Variants in DERA observed in about 807,000 individuals in gnomAD.
The protein encoded by DERA is deoxyribose-phosphate aldolase.
DERA carries 15 observed loss-of-function variants against 41.1 expected under a neutral mutation model. The observed-to-expected ratio is 0.37, with a 90% confidence interval of 0.24 to 0.56. DERA has a LOEUF of 0.56. DERA is among the 20% of genes least tolerant of loss of function. DERA has a pLI of 0.81. For missense variants in DERA, 396 were observed against 403.4 expected (o/e 0.98, Z 0.16); for synonymous variants, 139 against 137.4 (o/e 1.01, Z -0.08).
At position 15,943,738 on chromosome 12, in the gene DERA, T is replaced by TTTATTTAC. The variant is rs1555150482; in HGVS notation, c.32-13196_32-13195insATTTACTT. Among the ~76,000 whole-genome samples, 1 of 147,458 alleles carries TTTATTTAC rather than the reference T, an allele frequency of 6.8e-6. No homozygotes were observed. Among genetic ancestry groups the TTTATTTAC allele is most frequent in the Non-Finnish European group, 1.5e-5 (1 of 66,874 alleles). Reference sequence around the variant, plus strand: ...ATTTATTTATTTATTTATTTATTTATTTTATTATACTTTAAGTTCTAGGAT... The same window carrying TTTATTTAC: ...ATTTATTTATTTATTTATTTATTTATTTATTTACTTTATTATACTTTAAGTTCTAGGAT... On this transcript the variant is annotated intron_variant, in intron 1 of 8. Transcript: ENST00000428559. This position sits in a 1 kb window ranked among gnomAD's most constrained non-coding sequence, Gnocchi z 4.5.
Position 15,965,809 on chromosome 12 carries a change from G to T in DERA, c.508+2862G>T, listed in dbSNP as rs1260855836. Among the ~76,000 whole-genome samples, 1 of 152,088 alleles carries T rather than the reference G, an allele frequency of 6.6e-6. No individual in the cohort carries two copies. Among genetic ancestry groups the T allele is most frequent in the Non-Finnish European group, 1.5e-5 (1 of 68,002 alleles). On this transcript the variant is annotated intron_variant, in intron 5 of 8. Coordinates refer to ENST00000428559, the MANE Select transcript of DERA (RefSeq NM_015954.4). This position sits in a 1 kb window ranked among gnomAD's most constrained non-coding sequence, Gnocchi z 4.1. Reference sequence around the variant, plus strand: ...GAGCTCCCTCCAGGTCCTTGCATCAGGGCTGCTTTTCTTTGCTTCTTCCTT... The same window carrying T: ...GAGCTCCCTCCAGGTCCTTGCATCATGGCTGCTTTTCTTTGCTTCTTCCTT...
Position 16,000,278 on chromosome 12 carries a change from C to T in DERA, c.637+17842C>T, listed in dbSNP as rs189397044. 2.5e-3 allele frequency among the ~76,000 whole-genome samples: 383 copies of T among 152,298 alleles called. No homozygotes were observed. The highest frequency in any genetic ancestry group is 6.8e-3 in the Middle Eastern group (2 of 294). ...ATTGCAGAACATAGCGCAGTCTAAC[C>T]GCTTTTCCTCTACTTTTCTGTTCTT... On this transcript the variant is annotated intron_variant, in intron 6 of 8. Coordinates refer to ENST00000428559, the MANE Select transcript of DERA (RefSeq NM_015954.4). The surrounding 1 kb of genome is among the most constrained non-coding windows in gnomAD (Gnocchi z 4.8).
Position 16,012,047 on chromosome 12 carries a change from T to C in DERA, c.638-20495T>C, listed in dbSNP as rs2136179718. ...CATGCATAACTAAGTCAGTGTTTCC[T>C]CAAAAGGGGCAGAGTTTGGTAAAGA... On this transcript the variant is annotated intron_variant, in intron 6 of 8. Transcript: ENST00000428559. The surrounding 1 kb of genome is among the most constrained non-coding windows in gnomAD (Gnocchi z 4.1). Among the ~76,000 whole-genome samples, 1 of 152,316 alleles carries C rather than the reference T, an allele frequency of 6.6e-6. No individual in the cohort carries two copies. Among genetic ancestry groups the C allele is most frequent in the Admixed American group, 6.5e-5 (1 of 15,298 alleles).
chr12:15,926,326 T>C (rs1222758632), intron 1 of DERA, among the ~76,000 whole-genome samples: 1 of 152,166 alleles, frequency 6.6e-6, no homozygotes, highest in Non-Finnish European at 1.5e-5. Flanking sequence ...TGCTCTTGGC[T>C]CACTGAGTGT....
chr12:15,979,680 G>T (rs114186888), intron 5 of DERA, among the ~76,000 whole-genome samples: 1,708 of 152,292 alleles, frequency 0.011, 22 homozygotes, highest in African/African-American at 0.039. Flanking sequence ...TTAGAAATTG[G>T]CAGTTAAAGA....
intron 6 of DERA, among the ~76,000 whole-genome samples, chr12:16,006,214 C>G (rs1156234259): frequency 6.6e-6 from 1 of 152,188 alleles, no homozygotes; most frequent in Non-Finnish European, 1.5e-5. Flanking sequence ...ACCCTCTCCC[C>G]TCTTGCTCCC....
At chr12:15,991,993 G>C (rs1321632938) in intron 6 of DERA, among the ~76,000 whole-genome samples, 4 of 151,516 alleles carry the variant, frequency 2.6e-5, no homozygotes, top group Non-Finnish European at 5.9e-5. Flanking sequence ...TGATCATGCT[G>C]TTATACTCTT....
chr12:15,978,832 A>G (rs538205473), intron 5 of DERA, among the ~76,000 whole-genome samples: 6 of 152,296 alleles, frequency 3.9e-5, no homozygotes, highest in Non-Finnish European at 8.8e-5. Flanking sequence ...GCCACCAACA[A>G]CTTTGAAAAC....
At position 15,998,988 on chromosome 12, in the gene DERA, A is replaced by G. The variant is rs1482738484; in HGVS notation, c.637+16552A>G. Among the ~76,000 whole-genome samples the G allele has an allele frequency of 6.6e-6, 1 of 152,208 alleles. No homozygotes were observed. Among genetic ancestry groups the G allele is most frequent in the Non-Finnish European group, 1.5e-5 (1 of 68,028 alleles). On this transcript the variant is annotated intron_variant, in intron 6 of 8. Coordinates refer to ENST00000428559, the MANE Select transcript of DERA (RefSeq NM_015954.4). The surrounding 1 kb of genome is among the most constrained non-coding windows in gnomAD (Gnocchi z 4.8). Reference sequence around the variant, plus strand: ...GTAATTCTTCTACTGTTCTGATAGCACTATCAAGATTTCACCTCCTTTCAT... The same window carrying G: ...GTAATTCTTCTACTGTTCTGATAGCGCTATCAAGATTTCACCTCCTTTCAT...
chr12:15,983,527 G>A lies in DERA; in HGVS notation c.637+1091G>A, dbSNP rs112370239. ...TTCAGGAATTATTTCCCCTGACACT[G>A]CTTCTCCCCCTGCTGTTTGGCCCAT... is the stretch of plus-strand genomic sequence containing the variant. On this transcript the variant is annotated intron_variant, in intron 6 of 8. Coordinates refer to ENST00000428559, the MANE Select transcript of DERA (RefSeq NM_015954.4). This position sits in a 1 kb window ranked among gnomAD's most constrained non-coding sequence, Gnocchi z 6.2. 1.3e-5 allele frequency among the ~76,000 whole-genome samples: 2 copies of A among 152,170 alleles called. No individual in the cohort carries two copies. Among genetic ancestry groups the A allele is most frequent in the African/African-American group, 4.8e-5 (2 of 41,436 alleles).
chr12:15,971,476 G>GAA (rs1948659137), intron 5 of DERA, among the ~76,000 whole-genome samples: 2 of 149,006 alleles, frequency 1.3e-5, no homozygotes, highest in South Asian at 4.2e-4. Flanking sequence ...GGAGTTTTTC[G>GAA]TCACTGAAGA....
In DERA at chr12:16,001,296, C is replaced by T. The variant is rs1005253694; in HGVS notation, c.637+18860C>T. Among the ~76,000 whole-genome samples the T allele has an allele frequency of 1.3e-5, 2 of 152,000 alleles. No individual in the cohort carries two copies. Among genetic ancestry groups the T allele is most frequent in the South Asian group, 2.1e-4 (1 of 4,822 alleles). On this transcript the variant is annotated intron_variant, in intron 6 of 8. Transcript: ENST00000428559. The surrounding 1 kb of genome is among the most constrained non-coding windows in gnomAD (Gnocchi z 4.1). ...TTGTTTTTAGAAGAAATAAAAAAAACCATTCAGGCTCCCATGAGGTGATCA... is the reference window on the plus strand; with the variant it reads ...TTGTTTTTAGAAGAAATAAAAAAAATCATTCAGGCTCCCATGAGGTGATCA...
intron 1 of DERA, among the ~76,000 whole-genome samples, chr12:15,946,238 C>T (rs1233319010): frequency 1.3e-5 from 2 of 152,136 alleles, no homozygotes; most frequent in Non-Finnish European, 2.9e-5. Flanking sequence ...TGATGCTGGC[C>T]TCATAAAATG....
rs929500794 is a variant in DERA, at chr12:15,993,537, A to G, written c.637+11101A>G. 6.6e-6 allele frequency among the ~76,000 whole-genome samples: 1 copy of G among 151,386 alleles called. No individual in the cohort carries two copies. Among genetic ancestry groups the G allele is most frequent in the Non-Finnish European group, 1.5e-5 (1 of 67,912 alleles). On this transcript the variant is annotated intron_variant, in intron 6 of 8. Transcript: ENST00000428559. The surrounding 1 kb of genome is among the most constrained non-coding windows in gnomAD (Gnocchi z 4.4). ...TGCCTTTCATAGGAAAAAGCATTTAATTTATGAAAAGGTATGCTACAACTG... is the reference window on the plus strand; with the variant it reads ...TGCCTTTCATAGGAAAAAGCATTTAGTTTATGAAAAGGTATGCTACAACTG...
rs779332533 is a variant in DERA, at chr12:15,940,808, A to G, written c.32-16128A>G. 5.3e-5 allele frequency among the ~76,000 whole-genome samples: 8 copies of G among 152,204 alleles called. No individual in the cohort carries two copies. Among genetic ancestry groups the G allele is most frequent in the Non-Finnish European group, 1.2e-4 (8 of 68,030 alleles). On this transcript the variant is annotated intron_variant, in intron 1 of 8. Coordinates refer to ENST00000428559, the MANE Select transcript of DERA (RefSeq NM_015954.4). The surrounding 1 kb of genome is among the most constrained non-coding windows in gnomAD (Gnocchi z 5.1). ...TGCCATCTTTGGACACAGGCATCCT[A>G]ACATAACTACTAATTTTTTGAGGTA... is the stretch of plus-strand genomic sequence containing the variant.
intron 4 of DERA, among the ~76,000 whole-genome samples, chr12:15,962,174 T>C (rs1948592786): frequency 6.6e-6 from 1 of 152,240 alleles, no homozygotes; most frequent in Non-Finnish European, 1.5e-5. Flanking sequence ...CATTTTCCTC[T>C]TATTTACACT....
Position 15,962,965 on chromosome 12 carries a change from C to A in DERA, c.508+18C>A. 6.2e-7 allele frequency: 1 copy of A among 1,600,538 alleles called. No homozygotes were observed. On this transcript the variant is annotated intron_variant, in intron 5 of 8. Transcript: ENST00000428559. Reference sequence around the variant, plus strand: ...GTGGGAAGGTAGGTGCATGCTTTTACCTAAGAGAGTTTCACCATTCTTCCC... The same window carrying A: ...GTGGGAAGGTAGGTGCATGCTTTTAACTAAGAGAGTTTCACCATTCTTCCC...
At chr12:15,932,355 C>A (rs78192354) in intron 1 of DERA, among the ~76,000 whole-genome samples, 2,840 of 152,206 alleles carry the variant, frequency 0.019, 101 homozygotes, top group African/African-American at 0.063. Flanking sequence ...CTTAAAGTTT[C>A]ACTATAATTT....
At chr12:16,030,018 G>C (rs1313229357) in intron 6 of DERA, among the ~76,000 whole-genome samples, 1 of 133,154 alleles carries the variant, frequency 7.5e-6, no homozygotes, top group African/African-American at 2.7e-5. Context: ...CACCTCCCAG[G>C]TTCAAGCAGT....
Sources: gnomAD v4.1 joint callset for allele counts (sites outside exome capture counted in the v4.1 genomes callset) on GRCh38, gnomAD v4.1.1 for gene constraint, Gnocchi (gnomAD v3.1) non-coding constraint, MANE v1.5 for transcripts, NCBI Gene and HGNC (gene_info 2026-07-23, HGNC 2026-07-21) for gene names.